The following ST8SIA6 variants were observed in gnomAD, a reference collection of about 807,000 sequenced individuals.
ST8SIA6 encodes the protein alpha-2,8-sialyltransferase 8F.
ST8SIA6 carries 39 observed loss-of-function variants against 33.6 expected under a neutral mutation model. The observed-to-expected ratio is 1.16, with a 90% confidence interval of 0.90 to 1.52. The LOEUF is 1.52. Among genes scored for constraint, ST8SIA6 ranks in the 40% most tolerant of loss-of-function variants. ST8SIA6 has a pLI of 0.00. For synonymous variants in ST8SIA6, 172 were observed against 167.2 expected (o/e 1.03, Z -0.22); for missense variants, 441 against 443.8 (o/e 0.99, Z 0.06).
intron 2 of ST8SIA6, among the ~76,000 whole-genome samples, chr10:17,408,755 T>C (rs982051502): frequency 1.3e-5 from 2 of 152,030 alleles, no homozygotes; most frequent in African/African-American, 2.4e-5. Flanking sequence ...TTTTTATTTT[T>C]ATTTATTTAT....
intron 2 of ST8SIA6, 89 bp downstream of exon 2, chr10:17,453,470 T>A: frequency 9.6e-7 from 1 of 1,036,748 alleles, no homozygotes; most frequent in Non-Finnish European, 1.2e-6. Flanking sequence ...GCCTGCCTAC[T>A]CCCAACGAGT....
chr10:17,437,669 C>CTT (rs1453285301), intron 2 of ST8SIA6, among the ~76,000 whole-genome samples: 1 of 148,850 alleles, frequency 6.7e-6, no homozygotes, highest in African/African-American at 2.5e-5. Flanking sequence ...TTCCTTCTGT[C>CTT]TCTCTTTCTC....
At chr10:17,333,717 A>ATATATATAGATATATAGATATATTTTTT (rs1251981910) in intron 4 of ST8SIA6, among the ~76,000 whole-genome samples, 2 of 33,754 alleles carry the variant, frequency 5.9e-5, no homozygotes, top group African/African-American at 3.5e-4. Flanking sequence ...ATATATATAT[A>ATATATATAGATATATAGATATATTTTTT]TTTTTTTTTT....
chr10:17,343,411 T>G (rs181069686), intron 4 of ST8SIA6, among the ~76,000 whole-genome samples: 1 of 152,338 alleles, frequency 6.6e-6, no homozygotes, highest in African/African-American at 2.4e-5. Context: ...CATAAATGTT[T>G]GAAAAGGTAA....
At chr10:17,379,256 G>A (rs1321859353) in intron 3 of ST8SIA6, among the ~76,000 whole-genome samples, 3 of 152,268 alleles carry the variant, frequency 2.0e-5, no homozygotes, top group African/African-American at 7.2e-5. Context: ...AGGGTCCAGT[G>A]GAGGGAATGG....
At chr10:17,360,689 C>T (rs1849351504) in intron 3 of ST8SIA6, among the ~76,000 whole-genome samples, 1 of 151,746 alleles carries the variant, frequency 6.6e-6, no homozygotes, top group African/African-American at 2.4e-5. Flanking sequence ...ACGAGCAAAA[C>T]CAAACAAAAT....
chr10:17,364,021 C>G (rs1164621796), intron 3 of ST8SIA6, among the ~76,000 whole-genome samples: 2 of 152,170 alleles, frequency 1.3e-5, no homozygotes, highest in African/African-American at 4.8e-5. Flanking sequence ...ACAGCAAGTA[C>G]TACCTTAGCA....
Position 17,320,028 on chromosome 10 carries a change from C to T in ST8SIA6, c.*850G>A, listed in dbSNP as rs995789756. The T allele has an allele frequency of 6.6e-6, 1 of 152,162 alleles. No homozygotes were observed. Among genetic ancestry groups the T allele is most frequent in the Non-Finnish European group, 1.5e-5 (1 of 68,036 alleles). 9.4% of individuals were successfully genotyped at this position (152,162 alleles called of 1,614,324 possible). A position where few individuals can be genotyped will look rare whatever the true frequency, so the allele number is the denominator to read the frequency against. The stretch of plus-strand genomic sequence containing the variant: ...GTTTTCTCCTACAAGAGGCAATAAT[C>T]CTTCTTGTCCTCTCACAGAGCCTGG... On this transcript the variant is annotated 3_prime_UTR_variant, in exon 8 of 8. Transcript: ENST00000377602.
Position 17,316,827 on chromosome 10 carries a change from C to A in ST8SIA6, c.*4051G>T, listed in dbSNP as rs1165307041. On this transcript the variant is annotated 3_prime_UTR_variant, in exon 8 of 8. Coordinates refer to ENST00000377602, the MANE Select transcript of ST8SIA6 (RefSeq NM_001004470.3). The stretch of plus-strand genomic sequence containing the variant: ...TTCCTGTCTTTTACTTGTTGATTTA[C>A]AATTCCTTGGAATGTCTCTCTATTA... Among the ~76,000 whole-genome samples the A allele has an allele frequency of 6.6e-6, 1 of 152,020 alleles. No homozygotes were observed. Among genetic ancestry groups the A allele is most frequent in the African/African-American group, 2.4e-5 (1 of 41,394 alleles).
intron 4 of ST8SIA6, among the ~76,000 whole-genome samples, chr10:17,345,813 G>T (rs1848815234): frequency 6.6e-6 from 1 of 152,102 alleles, no homozygotes. Flanking sequence ...AGATTAGTGG[G>T]TCTGCAGAAA....
chr10:17,352,982 G>T (rs916471452), intron 4 of ST8SIA6, among the ~76,000 whole-genome samples: 1 of 152,002 alleles, frequency 6.6e-6, no homozygotes, highest in African/African-American at 2.4e-5. Flanking sequence ...AATAAAATAT[G>T]TATTGCTTTC....
At chr10:17,324,858 A>G (rs1848071748) in intron 6 of ST8SIA6, among the ~76,000 whole-genome samples, 1 of 146,840 alleles carries the variant, frequency 6.8e-6, no homozygotes, top group Admixed American at 6.9e-5. Context: ...TTAGTATATT[A>G]TATAATATGC....
In ST8SIA6 at chr10:17,320,546, C is replaced by T. The variant is rs115079787; in HGVS notation, c.*332G>A. ...CTCCAAGAAAGCATGCTTTTATTAT[C>T]GGTCTGGTGAAGGTGGAGATGGCTG... On this transcript the variant is annotated 3_prime_UTR_variant, in exon 8 of 8. Transcript: ENST00000377602. 5.4e-3 allele frequency: 1,370 copies of T among 255,334 alleles called. 24 individuals carry two copies. The highest frequency in any genetic ancestry group is 0.029 in the African/African-American group (1,298 of 44,360). 15.8% of individuals were successfully genotyped at this position (255,334 alleles called of 1,614,324 possible).
intron 5 of ST8SIA6, among the ~76,000 whole-genome samples, chr10:17,329,774 T>C (rs1442630114): frequency 6.6e-6 from 1 of 152,312 alleles, no homozygotes; most frequent in East Asian, 1.9e-4. Flanking sequence ...TTAAATAAAT[T>C]ACAAATCTCA....
rs1040535238 is a variant in ST8SIA6 at position 17,433,911 on chromosome 10, G to A, written c.200+19648C>T. Among the ~76,000 whole-genome samples, 3 of 152,218 alleles carry A rather than the reference G, an allele frequency of 2.0e-5. No individual in the cohort carries two copies. The East Asian group carries it at 5.8e-4, about 29-fold the overall frequency. On this transcript the variant is annotated intron_variant, in intron 2 of 7. Coordinates refer to ENST00000377602, the MANE Select transcript of ST8SIA6 (RefSeq NM_001004470.3). ...ATCCTGGGACCCAGCCATCCCGAGG[G>A]ATTTTTCAGCTTCACAAACCCATCT...
intron 4 of ST8SIA6, among the ~76,000 whole-genome samples, chr10:17,342,112 A>G (rs1286272374): frequency 5.9e-5 from 9 of 152,186 alleles, no homozygotes; most frequent in Non-Finnish European, 1.0e-4. Flanking sequence ...AAGCTGACTG[A>G]GACAAAGACC....
chr10:17,425,388 A>G (rs150904336), intron 2 of ST8SIA6, among the ~76,000 whole-genome samples: 2,402 of 152,074 alleles, frequency 0.016, 26 homozygotes, highest in Non-Finnish European at 0.025. Flanking sequence ...GACCAACGTG[A>G]TGAAACCCCG....
chr10:17,357,876 C>T (rs576074532), intron 4 of ST8SIA6, among the ~76,000 whole-genome samples: 1 of 152,184 alleles, frequency 6.6e-6, no homozygotes, highest in Non-Finnish European at 1.5e-5. Context: ...TCTCCCTCTT[C>T]TTTTTTTGTC....
chr10:17,430,178 CATT>C (rs1299815596), intron 2 of ST8SIA6, among the ~76,000 whole-genome samples: 1 of 152,154 alleles, frequency 6.6e-6, no homozygotes, highest in Non-Finnish European at 1.5e-5. Flanking sequence ...TGTGTTACTT[CATT>C]AAGAATAATG....
Sources: allele counts gnomAD v4.1 joint callset (sites outside exome capture counted in the v4.1 genomes callset), GRCh38; gene constraint gnomAD v4.1.1; transcripts MANE v1.5; gene names NCBI Gene and HGNC (gene_info 2026-07-23, HGNC 2026-07-21).